PPP2R3A: variants seen among roughly 807,000 people sequenced by gnomAD.
The protein encoded by PPP2R3A is serine/threonine-protein phosphatase 2A regulatory subunit B'' subunit alpha.
In PPP2R3A, 80 loss-of-function variants were observed where a neutral mutation model predicts 106.9. The ratio of observed to expected loss-of-function variants is 0.75; its 90% CI spans 0.62 to 0.90. PPP2R3A has a LOEUF of 0.90. Ranked by LOEUF, PPP2R3A falls within the 40% of genes least tolerant of loss-of-function variation. The probability of loss-of-function intolerance (pLI) is 0.00; values close to 1 mark genes in which losing one functional copy is unlikely to be tolerated. For missense variants in PPP2R3A, 1,386 were observed against 1,350.4 expected, an observed-to-expected ratio of 1.03 and a Z score of -0.41; for synonymous variants, 483 against 468.3, an observed-to-expected ratio of 1.03 and a Z score of -0.41.
intron 10 of PPP2R3A, among the ~76,000 whole-genome samples, chr3:136,094,236 A>C (rs1937165664): frequency 6.6e-6 from 1 of 152,216 alleles, no homozygotes; most frequent in African/African-American, 2.4e-5. Flanking sequence ...ATGAGGAATG[A>C]GTGCTAATGG....
intron 5 of PPP2R3A, among the ~76,000 whole-genome samples, chr3:136,063,917 G>GTA (rs1165696855): frequency 6.7e-6 from 1 of 149,868 alleles, no homozygotes; most frequent in African/African-American, 2.5e-5. Context: ...CCATTACTGG[G>GTA]TATATACCCA....
intron 13 of PPP2R3A, among the ~76,000 whole-genome samples, chr3:136,130,662 T>G (rs1280824895): frequency 6.6e-6 from 1 of 152,108 alleles, no homozygotes; most frequent in African/African-American, 2.4e-5. Flanking sequence ...AAAACTACTT[T>G]AAAATTCATA....
In PPP2R3A at chr3:136,138,695, A is replaced by ATTTTTTTTTTTTT. The variant is rs747811648; in HGVS notation, c.3330-6325_3330-6313dup. On this transcript the variant is annotated intron_variant, in intron 13 of 13. Coordinates refer to ENST00000264977, the MANE Select transcript of PPP2R3A (RefSeq NM_002718.5). ...AGACTCCAAACTAGAGAAATATTGA[A>ATTTTTTTTTTTTT]TTTTTTTTTTTTTTTTTTTTTTTTT... Among the ~76,000 whole-genome samples the ATTTTTTTTTTTTT allele has an allele frequency of 1.8e-4, 9 of 50,638 alleles. 1 individual carries two copies. Among genetic ancestry groups the ATTTTTTTTTTTTT allele is most frequent in the Admixed American group, 7.6e-4 (2 of 2,632 alleles). 33.2% of individuals were successfully genotyped at this position (50,638 alleles called of 152,430 possible).
chr3:136,076,126 A>T (rs1231004019), intron 6 of PPP2R3A, among the ~76,000 whole-genome samples: 1 of 152,206 alleles, frequency 6.6e-6, no homozygotes, highest in African/African-American at 2.4e-5. Flanking sequence ...AAAAGATGAA[A>T]AGAAACCCAG....
At chr3:136,069,087 A>G (rs563821174) in intron 5 of PPP2R3A, among the ~76,000 whole-genome samples, 1 of 152,346 alleles carries the variant, frequency 6.6e-6, no homozygotes, top group South Asian at 2.1e-4. Flanking sequence ...AGCTAAATGC[A>G]GTGTAAGATC....
At chr3:136,094,627 A>G (rs951577871) in intron 10 of PPP2R3A, among the ~76,000 whole-genome samples, 3 of 152,220 alleles carry the variant, frequency 2.0e-5, no homozygotes, top group Non-Finnish European at 4.4e-5. Flanking sequence ...GGTGACCTCA[A>G]TGAAATGGAC....
chr3:136,107,856 T>A (rs1290642793), intron 13 of PPP2R3A, among the ~76,000 whole-genome samples: 1 of 152,170 alleles, frequency 6.6e-6, no homozygotes, highest in Non-Finnish European at 1.5e-5. Context: ...GGCATTGAGC[T>A]TCCATACTAG....
intron 2 of PPP2R3A, among the ~76,000 whole-genome samples, chr3:136,011,984 C>T (rs1371922345): frequency 7.2e-6 from 1 of 139,136 alleles, no homozygotes; most frequent in African/African-American, 3.1e-5. Flanking sequence ...TACACACACA[C>T]ACACACACAT....
At position 136,002,243 on chromosome 3, in the gene PPP2R3A, A is replaced by G. The variant is rs115951794; in HGVS notation, c.745A>G (p.Ile249Val). The G allele has an allele frequency of 8.0e-3, 12,881 of 1,613,918 alleles. 64 individuals carry two copies. The highest frequency in any genetic ancestry group is 9.9e-3 in the Non-Finnish European group (11,740 of 1,179,946). ...CGAGGATTTAAAAAAATGCACAGAC[A>G]TCATAAAACAATGCATAAAGAAAAA... Reference protein sequence around the residue: ...CSEDLKKCTDIIKQCIKKKSG... With the variant: ...CSEDLKKCTDVIKQCIKKKSG... Residue 249 changes from isoleucine (I) to valine (V), a missense_variant, in exon 2 of 14, where the codon ATC becomes GTC. Transcript: ENST00000264977.
intron 5 of PPP2R3A, among the ~76,000 whole-genome samples, chr3:136,054,554 G>C (rs1031331560): frequency 6.6e-6 from 1 of 152,158 alleles, no homozygotes; most frequent in Admixed American, 6.6e-5. Context: ...ACCGCGTCCA[G>C]CCTACTTCAC....
At chr3:136,123,942 ACT>A (rs1448662557) in intron 13 of PPP2R3A, among the ~76,000 whole-genome samples, 1 of 152,198 alleles carries the variant, frequency 6.6e-6, no homozygotes, top group African/African-American at 2.4e-5. Flanking sequence ...ATATATATAC[ACT>A]GTTTCATCCA....
intron 1 of PPP2R3A, among the ~76,000 whole-genome samples, chr3:135,999,829 AG>A (rs1933551488): frequency 6.6e-6 from 1 of 151,918 alleles, no homozygotes; most frequent in East Asian, 1.9e-4. Flanking sequence ...GCTGGAGTGC[AG>A]TGGCGTGATC....
chr3:136,003,655 G>T (rs2107792196), intron 2 of PPP2R3A, among the ~76,000 whole-genome samples, 162 bp downstream of exon 2: 1 of 151,632 alleles, frequency 6.6e-6, no homozygotes, highest in African/African-American at 2.4e-5. Flanking sequence ...AAAAAGCAAA[G>T]ATTATACAAG....
chr3:136,019,689 G>C (rs890768889), intron 2 of PPP2R3A, among the ~76,000 whole-genome samples: 1 of 152,148 alleles, frequency 6.6e-6, no homozygotes, highest in Non-Finnish European at 1.5e-5. Context: ...AAGTAAATAA[G>C]TAAAAAGCAA....
intron 1 of PPP2R3A, among the ~76,000 whole-genome samples, chr3:135,980,000 C>T (rs938919033): frequency 4.6e-5 from 7 of 151,796 alleles, no homozygotes; most frequent in South Asian, 2.1e-4. Context: ...TTAGTAAGTA[C>T]AGCCGCCATC....
At chr3:136,119,118 G>A (rs1328302773) in intron 13 of PPP2R3A, among the ~76,000 whole-genome samples, 1 of 152,168 alleles carries the variant, frequency 6.6e-6, no homozygotes, top group Non-Finnish European at 1.5e-5. Flanking sequence ...CAAGCAATGG[G>A]AAAAGGATTC....
At chr3:136,041,053 A>G in intron 4 of PPP2R3A, 91 bp downstream of exon 4, 1 of 1,035,140 alleles carries the variant, frequency 9.7e-7, no homozygotes, top group Non-Finnish European at 1.4e-6. Flanking sequence ...TTACTCATTT[A>G]TACATTTTCC....
intron 3 of PPP2R3A, among the ~76,000 whole-genome samples, chr3:136,028,361 CT>C (rs1934741521): frequency 6.6e-6 from 1 of 152,206 alleles, no homozygotes; most frequent in Admixed American, 6.5e-5. Flanking sequence ...TTCATTCCCC[CT>C]TCTTAAAAAT....
chr3:136,137,742 C>T (rs1157341964), intron 13 of PPP2R3A, among the ~76,000 whole-genome samples: 2 of 151,780 alleles, frequency 1.3e-5, no homozygotes, highest in East Asian at 1.9e-4. Context: ...GGGGTTTCAC[C>T]GTGTTAGCCA....
Sources: gnomAD v4.1 joint callset for allele counts (sites outside exome capture counted in the v4.1 genomes callset) on GRCh38, gnomAD v4.1.1 for gene constraint, MANE v1.5 for transcripts, NCBI Gene and HGNC (gene_info 2026-07-23, HGNC 2026-07-21) for gene names.